Variants in GRIN2B observed in about 807,000 individuals in gnomAD.
The protein encoded by GRIN2B is glutamate receptor ionotropic, NMDA 2B.
A neutral mutation model predicts 114.5 loss-of-function variants in GRIN2B; 5 were observed. The ratio of observed to expected loss-of-function variants is 0.04; its 90% confidence interval spans 0.02 to 0.09. The LOEUF (loss-of-function observed/expected upper bound fraction) is 0.09. Ranked by LOEUF, GRIN2B falls within the 10% of genes least tolerant of loss-of-function variation. GRIN2B has a pLI of 1.00. For missense variants in GRIN2B, 1,108 were observed against 1,943.5 expected, an observed-to-expected ratio of 0.57 and a Z score of 8.08; for synonymous variants, 787 against 745.1, an observed-to-expected ratio of 1.06 and a Z score of -0.92.
intron 2 of GRIN2B, among the ~76,000 whole-genome samples, chr12:13,947,834 T>TTGTTC (rs1425274266): frequency 4.6e-5 from 7 of 152,080 alleles, no homozygotes; most frequent in African/African-American, 1.7e-4. Flanking sequence ...GAGGCATGAG[T>TTGTTC]TGTTCTCCAA....
intron 10 of GRIN2B, among the ~76,000 whole-genome samples, chr12:13,599,344 C>A (rs1329772953): frequency 6.6e-6 from 1 of 152,152 alleles, no homozygotes; most frequent in African/African-American, 2.4e-5. Flanking sequence ...TCCACTCTTG[C>A]CACCATTACA....
chr12:13,900,554 G>A (rs1349229333), intron 2 of GRIN2B, among the ~76,000 whole-genome samples: 1 of 151,900 alleles, frequency 6.6e-6, no homozygotes, highest in Admixed American at 6.6e-5. Context: ...CTATCACCCA[G>A]ATTAAAGAAT....
rs1324407455 is a variant in GRIN2B at position 13,980,261 on chromosome 12, G to C, written c.-352C>G. The C allele has an allele frequency of 6.6e-6, 1 of 152,122 alleles. No individual in the cohort carries two copies. The highest frequency in any genetic ancestry group is 1.5e-5 in the Non-Finnish European group (1 of 68,036). 9.4% of individuals were successfully genotyped at this position (152,122 alleles called of 1,614,324 possible). A position where few individuals can be genotyped will look rare whatever the true frequency, so the allele number is the denominator to read the frequency against. ...CTTCTTCTGGCAATTACGGTTTTTGGTTTTTGGAGCGTTAGTGGAGGAGGC... is the reference window on the plus strand; with the variant it reads ...CTTCTTCTGGCAATTACGGTTTTTGCTTTTTGGAGCGTTAGTGGAGGAGGC... On this transcript the variant is annotated 5_prime_UTR_variant, in exon 2 of 14. Transcript: ENST00000609686.
At chr12:13,950,082 G>C (rs1416826345) in intron 2 of GRIN2B, among the ~76,000 whole-genome samples, 1 of 152,096 alleles carries the variant, frequency 6.6e-6, no homozygotes, top group African/African-American at 2.4e-5. Flanking sequence ...CCACTTTAAG[G>C]GGAAGATATT....
At chr12:13,781,663 G>T (rs1163394174) in intron 3 of GRIN2B, among the ~76,000 whole-genome samples, 1 of 152,152 alleles carries the variant, frequency 6.6e-6, no homozygotes, top group African/African-American at 2.4e-5. Context: ...TGAAAAAATT[G>T]TTAAAAGTAA....
At chr12:13,791,441 G>C (rs1475268138) in intron 3 of GRIN2B, among the ~76,000 whole-genome samples, 4 of 138,698 alleles carry the variant, frequency 2.9e-5, no homozygotes, top group African/African-American at 5.3e-5. Flanking sequence ...GACAGAGCGA[G>C]ACTCTGTCTC....
intron 10 of GRIN2B, among the ~76,000 whole-genome samples, chr12:13,585,445 T>G (rs182850871): frequency 1.3e-5 from 2 of 152,298 alleles, no homozygotes; most frequent in African/African-American, 4.8e-5. Context: ...CAGCAGAGCT[T>G]CTTCCTTTGG....
At position 13,818,979 on chromosome 12, in the gene GRIN2B, G is replaced by A. The variant is rs1208631916; in HGVS notation, c.411+46819C>T. 2.6e-5 allele frequency among the ~76,000 whole-genome samples: 4 copies of A among 152,174 alleles called. No individual in the cohort carries two copies. In the East Asian group the frequency reaches 7.7e-4, roughly 29 times the overall value. Reference sequence around the variant, plus strand: ...TCCAACACCTATGAGAGCTTTATAAGCTCAACTGTGTCCCTCCAATGTCTA... The same window carrying A: ...TCCAACACCTATGAGAGCTTTATAAACTCAACTGTGTCCCTCCAATGTCTA... On this transcript the variant is annotated intron_variant, in intron 3 of 13. Transcript: ENST00000609686.
At chr12:13,974,969 G>A (rs1472054462) in intron 2 of GRIN2B, among the ~76,000 whole-genome samples, 1 of 152,228 alleles carries the variant, frequency 6.6e-6, no homozygotes, top group African/African-American at 2.4e-5. Context: ...AATCAGTTAT[G>A]AGAAGCATCA....
chr12:13,925,978 A>T lies in GRIN2B; in HGVS notation c.-19+53950T>A, dbSNP rs527785254. Among the ~76,000 whole-genome samples, 4 of 152,256 alleles carry T rather than the reference A, an allele frequency of 2.6e-5. No individual in the cohort carries two copies. In the South Asian group the frequency reaches 8.3e-4, roughly 32 times the overall value. On this transcript the variant is annotated intron_variant, in intron 2 of 13. Transcript: ENST00000609686. Reference sequence around the variant, plus strand: ...TCATAGATAAAGAAAACTAAAGTACACAGAAAGAATACGTTTTAGCAACTG... The same window carrying T: ...TCATAGATAAAGAAAACTAAAGTACTCAGAAAGAATACGTTTTAGCAACTG...
chr12:13,684,460 T>G (rs1032383380), intron 4 of GRIN2B, among the ~76,000 whole-genome samples: 2 of 152,164 alleles, frequency 1.3e-5, no homozygotes, highest in Non-Finnish European at 2.9e-5. Flanking sequence ...AACTCAGTGA[T>G]GAAAAATGAA....
At chr12:13,757,607 TCTC>T (rs909226401) in intron 3 of GRIN2B, among the ~76,000 whole-genome samples, 1 of 152,160 alleles carries the variant, frequency 6.6e-6, no homozygotes, top group Non-Finnish European at 1.5e-5. Flanking sequence ...CTTGGAGCAG[TCTC>T]CTCCTAGTGA....
At chr12:13,923,550 T>A (rs991545873) in intron 2 of GRIN2B, among the ~76,000 whole-genome samples, 1 of 152,192 alleles carries the variant, frequency 6.6e-6, no homozygotes, top group Non-Finnish European at 1.5e-5. Context: ...ATTAAGTACA[T>A]ATTTTCTTTA....
chr12:13,675,213 T>C (rs1197997244), intron 5 of GRIN2B, among the ~76,000 whole-genome samples: 3 of 152,130 alleles, frequency 2.0e-5, no homozygotes, highest in East Asian at 1.9e-4. Flanking sequence ...AGATCCTACA[T>C]AGAGCTGGGA....
chr12:13,734,949 G>A (rs565608858), intron 4 of GRIN2B, among the ~76,000 whole-genome samples: 1 of 152,278 alleles, frequency 6.6e-6, no homozygotes, highest in African/African-American at 2.4e-5. Flanking sequence ...AATGTTATTT[G>A]ATGTTGTGAG....
chr12:13,620,383 T>C (rs1355624949), intron 5 of GRIN2B, among the ~76,000 whole-genome samples: 1 of 152,132 alleles, frequency 6.6e-6, no homozygotes, highest in East Asian at 1.9e-4. Flanking sequence ...CCCAACTCCT[T>C]GTTCAAGGGT....
chr12:13,555,639 A>T lies in GRIN2B; in HGVS notation c.*7144T>A, dbSNP rs111739319. ...TTGGTTGGGAGAAAGGATGGAAAAG[A>T]TGTGTGAAAGACAAGAGAAATCTAA... On this transcript the variant is annotated 3_prime_UTR_variant, in exon 14 of 14. Coordinates refer to ENST00000609686, the MANE Select transcript of GRIN2B (RefSeq NM_000834.5). The T allele has an allele frequency of 0.032, 4,920 of 152,286 alleles. 86 individuals are homozygous for T. The highest frequency in any genetic ancestry group is 0.069 in the South Asian group (334 of 4,820). The allele number at this position is 152,286 out of a possible 1,614,324, so 9.4% of individuals were successfully genotyped here. A position where few individuals can be genotyped will look rare whatever the true frequency, so the allele number is the denominator to read the frequency against.
At chr12:13,780,901 C>CA (rs1591726745) in intron 3 of GRIN2B, among the ~76,000 whole-genome samples, 1 of 147,866 alleles carries the variant, frequency 6.8e-6, no homozygotes, top group East Asian at 2.0e-4. Flanking sequence ...ATAAAACTTG[C>CA]AAAAAAGGGA....
intron 5 of GRIN2B, among the ~76,000 whole-genome samples, chr12:13,654,179 T>C (rs1463095989): frequency 6.6e-6 from 1 of 152,050 alleles, no homozygotes; most frequent in Non-Finnish European, 1.5e-5. Context: ...ATGAAAGGCA[T>C]GACAGAAAAG....
Sources: allele counts gnomAD v4.1 joint callset (sites outside exome capture counted in the v4.1 genomes callset), GRCh38; gene constraint gnomAD v4.1.1; transcripts MANE v1.5; gene names NCBI Gene and HGNC (gene_info 2026-07-23, HGNC 2026-07-21).